The following COL22A1 variants were observed in gnomAD, a reference collection of about 807,000 sequenced individuals.
COL22A1 encodes the protein collagen alpha-1(XXII) chain.
Under a neutral mutation model 248.9 loss-of-function variants are expected in COL22A1, and 221 were observed. The observed-to-expected ratio is 0.89, with a 90% confidence interval of 0.80 to 0.99. COL22A1 has a LOEUF of 0.99. Ranked by LOEUF, COL22A1 falls within the 50% of genes least tolerant of loss-of-function variation. COL22A1 has a pLI of 0.00. For synonymous variants in COL22A1, 891 were observed against 793.4 expected (o/e 1.12, Z -2.07); for missense variants, 2,240 against 2,179.0 (o/e 1.03, Z -0.56).
intron 18 of COL22A1, among the ~76,000 whole-genome samples, chr8:138,759,583 G>A (rs554614715): frequency 2.6e-5 from 4 of 152,116 alleles, no homozygotes; most frequent in South Asian, 2.1e-4. Flanking sequence ...TTCCTTCTTC[G>A]TGACCCTCAA....
At chr8:138,712,043 G>A (rs780908045) in intron 30 of COL22A1, among the ~76,000 whole-genome samples, 1 of 152,106 alleles carries the variant, frequency 6.6e-6, no homozygotes, top group Non-Finnish European at 1.5e-5. Context: ...CATGGGGTTG[G>A]CCTGAGATTA....
intron 16 of COL22A1, among the ~76,000 whole-genome samples, chr8:138,773,091 T>C (rs575009005): frequency 8.3e-4 from 126 of 152,230 alleles, no homozygotes; most frequent in African/African-American, 2.8e-3. Flanking sequence ...ACAAAAAACA[T>C]TCTTTTTGCA....
chr8:138,697,115 A>T (rs1478178247), intron 32 of COL22A1, among the ~76,000 whole-genome samples: 2 of 152,238 alleles, frequency 1.3e-5, no homozygotes, highest in East Asian at 3.9e-4. Context: ...TGCTCAAGAG[A>T]TTCCTGCCCC....
At chr8:138,693,875 G>A (rs1827280892) in intron 34 of COL22A1, among the ~76,000 whole-genome samples, 176 bp from the exon 35 acceptor site, 1 of 152,132 alleles carries the variant, frequency 6.6e-6, no homozygotes. Flanking sequence ...CCCTCTGTTG[G>A]AGATGGTCAT....
At chr8:138,823,991 C>T (rs1052202849) in intron 6 of COL22A1, among the ~76,000 whole-genome samples, 1 of 152,212 alleles carries the variant, frequency 6.6e-6, no homozygotes. Flanking sequence ...CCTGGGTCTT[C>T]TGGTCTCTTT....
intron 41 of COL22A1, among the ~76,000 whole-genome samples, chr8:138,665,646 AG>A: frequency 6.6e-6 from 1 of 152,348 alleles, no homozygotes; most frequent in East Asian, 1.9e-4. Context: ...CTTCACAGAT[AG>A]ATTCCCAAAG....
In COL22A1 at chr8:138,878,127, A is replaced by G; in HGVS notation, c.281T>C (p.Leu94Pro). ...CTTGACCTCCTCCTGCGAGCCAAAG[A>G]GTCCCAACTCGAAGGCCGTGGTGGG... ...DRPTTAFELG[L>P]FGSQEEVKAA... Residue 94 changes from leucine (L) to proline (P), a missense_variant, in exon 3 of 65, where the codon CTC becomes CCC. Coordinates refer to ENST00000303045, the MANE Select transcript of COL22A1 (RefSeq NM_152888.3). 1 of 1,605,960 alleles carries G rather than the reference A, an allele frequency of 6.2e-7. No homozygotes were observed. The highest frequency in any genetic ancestry group is 8.5e-7 in the Non-Finnish European group (1 of 1,177,006).
At chr8:138,606,600 A>T in intron 57 of COL22A1, 148 bp from the exon 58 acceptor site, 1 of 762,246 alleles carries the variant, frequency 1.3e-6, no homozygotes, top group Non-Finnish European at 2.2e-6. Flanking sequence ...ATGGGTTAGG[A>T]AAAGACACGG....
intron 32 of COL22A1, among the ~76,000 whole-genome samples, chr8:138,697,215 G>C (rs1429672117): frequency 1.3e-5 from 2 of 152,118 alleles, no homozygotes; most frequent in Non-Finnish European, 2.9e-5. Context: ...AGTTTGGCTG[G>C]CTTCCATCTC....
At chr8:138,853,040 G>A (rs533650751) in intron 3 of COL22A1, among the ~76,000 whole-genome samples, 1 of 152,092 alleles carries the variant, frequency 6.6e-6, no homozygotes, top group East Asian at 1.9e-4. Flanking sequence ...GCAGCACGTG[G>A]TGATGTGTGC....
chr8:138,808,999 T>C (rs1817954638), intron 9 of COL22A1, among the ~76,000 whole-genome samples: 1 of 152,174 alleles, frequency 6.6e-6, no homozygotes, highest in Non-Finnish European at 1.5e-5. Flanking sequence ...GGAAACAATG[T>C]CTGTCTGTGG....
At chr8:138,643,609 T>TAG (rs1821910880) in intron 47 of COL22A1, among the ~76,000 whole-genome samples, 2 of 146,528 alleles carry the variant, frequency 1.4e-5, no homozygotes, top group Non-Finnish European at 3.0e-5. Context: ...CCCTATGCAA[T>TAG]ATAGATAGAT....
At chr8:138,758,471 T>A (rs1321865673) in intron 18 of COL22A1, among the ~76,000 whole-genome samples, 2 of 152,194 alleles carry the variant, frequency 1.3e-5, no homozygotes, top group Admixed American at 6.5e-5. Flanking sequence ...TAAAAATGCA[T>A]CACCTGATAT....
intron 37 of COL22A1, among the ~76,000 whole-genome samples, chr8:138,685,905 T>A (rs1237879319): frequency 6.6e-6 from 1 of 152,142 alleles, no homozygotes; most frequent in East Asian, 1.9e-4. Context: ...GAAAGGACGT[T>A]AGTGACGACC....
chr8:138,710,347 G>A (rs1385217427), intron 30 of COL22A1, among the ~76,000 whole-genome samples: 2 of 152,142 alleles, frequency 1.3e-5, no homozygotes, highest in Non-Finnish European at 2.9e-5. Context: ...TCTGCTTCTT[G>A]AACCAGCCCA....
At chr8:138,887,880 C>T (rs905703890) in intron 1 of COL22A1, among the ~76,000 whole-genome samples, 1 of 152,152 alleles carries the variant, frequency 6.6e-6, no homozygotes. Flanking sequence ...CTCCTGTCAC[C>T]ACCTACTTGT....
At chr8:138,870,770 G>A (rs1383481347) in intron 3 of COL22A1, among the ~76,000 whole-genome samples, 2 of 151,552 alleles carry the variant, frequency 1.3e-5, no homozygotes, top group Non-Finnish European at 2.9e-5. Context: ...TAGTATACAT[G>A]GTGTGTGTGG....
At chr8:138,838,457 C>T (rs1820604069) in intron 4 of COL22A1, among the ~76,000 whole-genome samples, 1 of 152,106 alleles carries the variant, frequency 6.6e-6, no homozygotes, top group African/African-American at 2.4e-5. Flanking sequence ...CTTCACAGCA[C>T]CATCAAACAC....
At chr8:138,888,597 T>C (rs1434293692) in intron 1 of COL22A1, among the ~76,000 whole-genome samples, 3 of 152,160 alleles carry the variant, frequency 2.0e-5, no homozygotes, top group African/African-American at 7.2e-5. Flanking sequence ...AGGCCACTTG[T>C]GAGAGCACAG....
Sources: gnomAD v4.1 joint callset for allele counts (sites outside exome capture counted in the v4.1 genomes callset) on GRCh38, gnomAD v4.1.1 for gene constraint, MANE v1.5 for transcripts, NCBI Gene and HGNC (gene_info 2026-07-23, HGNC 2026-07-21) for gene names.